Variants in PKD2L1 observed in about 807,000 individuals in gnomAD.
PKD2L1 encodes the protein polycystin 2 like 1, transient receptor potential cation channel.
In PKD2L1, 77 loss-of-function variants were observed where a neutral mutation model predicts 93.0. The ratio of observed to expected loss-of-function variants is 0.83; its 90% CI spans 0.69 to 1.00. The LOEUF (loss-of-function observed/expected upper bound fraction) is 1.00, where lower values mean the gene tolerates loss of function less well. PKD2L1 is among the 50% of genes least tolerant of loss of function. The pLI is 0.00. For synonymous variants in PKD2L1, 390 were observed against 388.0 expected (o/e 1.01, Z -0.06); for missense variants, 977 against 990.9 (o/e 0.99, Z 0.19).
At chr10:100,319,234 T>C (rs748773706) in intron 2 of PKD2L1, among the ~76,000 whole-genome samples, 2 of 152,264 alleles carry the variant, frequency 1.3e-5, no homozygotes, top group Non-Finnish European at 2.9e-5. Flanking sequence ...CCAAGCACTG[T>C]ACTACTAAAT....
At chr10:100,316,891 A>G (rs1849111421) in intron 2 of PKD2L1, among the ~76,000 whole-genome samples, 1 of 152,168 alleles carries the variant, frequency 6.6e-6, no homozygotes, top group Admixed American at 6.5e-5. Flanking sequence ...GTTCGAGTCC[A>G]GCCTGGGTAA....
At chr10:100,293,714 G>A (rs1304196727) in intron 9 of PKD2L1, among the ~76,000 whole-genome samples, 1 of 152,128 alleles carries the variant, frequency 6.6e-6, no homozygotes, top group Non-Finnish European at 1.5e-5. Context: ...TTTTCAGGGT[G>A]AGAGTACAAT....
At chr10:100,306,481 T>C (rs1848802285) in intron 2 of PKD2L1, among the ~76,000 whole-genome samples, 1 of 152,072 alleles carries the variant, frequency 6.6e-6, no homozygotes, top group Non-Finnish European at 1.5e-5. Context: ...CAGGGGAAAA[T>C]CACTGAGTTC....
At chr10:100,316,448 G>C (rs1275297047) in intron 2 of PKD2L1, among the ~76,000 whole-genome samples, 1 of 152,240 alleles carries the variant, frequency 6.6e-6, no homozygotes, top group Non-Finnish European at 1.5e-5. Flanking sequence ...CTGAGCCACA[G>C]GTGTGAGCCA....
intron 2 of PKD2L1, among the ~76,000 whole-genome samples, chr10:100,302,693 CAAA>C (rs35577057): frequency 3.5e-4 from 47 of 135,546 alleles, no homozygotes; most frequent in East Asian, 2.3e-3. Flanking sequence ...CTCTGTCCCC[CAAA>C]AAAAAAAAAA....
At position 100,297,479 on chromosome 10, in the gene PKD2L1, C is replaced by G; in HGVS notation, c.859G>C (p.Ala287Pro). ...SRQGSAEALR[A>P]LQEGLWLDRG... ...TCCAGCCACAGCCCCTCCTGAAGGG[C>G]CCGGAGAGCCTCTGCACTACCCTGT... Residue 287 changes from alanine (A) to proline (P), a missense_variant, in exon 5 of 16, where the codon GCC becomes CCC. Physicochemically the swap from Ala to Pro is conservative, Grantham distance 27. Coordinates refer to ENST00000318222, the MANE Select transcript of PKD2L1 (RefSeq NM_016112.3). The G allele has an allele frequency of 6.2e-7, 1 of 1,614,126 alleles. No individual in the cohort carries two copies. Among genetic ancestry groups the G allele is most frequent in the Non-Finnish European group, 8.5e-7 (1 of 1,180,022 alleles).
intron 2 of PKD2L1, among the ~76,000 whole-genome samples, chr10:100,305,904 C>T (rs534322136): frequency 1.4e-4 from 21 of 152,084 alleles, no homozygotes; most frequent in Non-Finnish European, 2.5e-4. Flanking sequence ...AAATTGCTGG[C>T]CAAGTACAGG....
intron 2 of PKD2L1, among the ~76,000 whole-genome samples, chr10:100,318,083 CAAA>C (rs139393300): frequency 7.3e-6 from 1 of 136,062 alleles, no homozygotes; most frequent in African/African-American, 2.7e-5. Context: ...CTGTCTCAAA[CAAA>C]AAAAAAAAAG....
intron 2 of PKD2L1, among the ~76,000 whole-genome samples, chr10:100,308,883 G>C (rs1458399900): frequency 6.6e-6 from 1 of 152,144 alleles, no homozygotes; most frequent in Non-Finnish European, 1.5e-5. Flanking sequence ...AGCAAACTCT[G>C]TTTTAAGAGT....
intron 2 of PKD2L1, among the ~76,000 whole-genome samples, chr10:100,310,246 G>A (rs1848903678): frequency 6.6e-6 from 1 of 152,030 alleles, no homozygotes; most frequent in Admixed American, 6.6e-5. Context: ...GAGGCAGGAG[G>A]GTGCTTGAGC....
Position 100,330,078 on chromosome 10 carries a change from C to G in PKD2L1, c.26G>C (p.Gly9Ala), listed in dbSNP as rs769116300. MNAVGSPE[G>A]QELQKLGSGA... ...ACTCCCCAGCTTTTGCAGCTCCTGC[C>G]CCTCAGGACTTCCCACAGCATTCAT... The change falls in exon 1 of 16, where the codon GGG (glycine) becomes GCG (alanine). Residue 9 changes from glycine to alanine, a missense_variant. Coordinates refer to ENST00000318222, the MANE Select transcript of PKD2L1 (RefSeq NM_016112.3). 4 of 1,594,298 alleles carry G rather than the reference C, an allele frequency of 2.5e-6. No individual in the cohort carries two copies. In the Admixed American group the frequency reaches 6.9e-5, roughly 27 times the overall value.
rs910752219 is a variant in PKD2L1 at position 100,289,050 on chromosome 10, G to A, written c.2257C>T (p.Gln753Ter). Residue 753 changes from glutamine to a stop codon, truncating the protein, a stop_gained, in exon 15 of 16, where the codon CAA becomes TAA. Transcript: ENST00000318222. LOFTEE classifies it high-confidence loss of function. ...GGCTGCGGGTGCTTCCAAATAGCTT[G>A]TTCCTTCTGTTGGAAGAAGAAAGGG... The part of the protein sequence containing the change: ...WLAPSPGVKE[Q>*]AIWKHPQPAP... 3.7e-6 allele frequency: 6 copies of A among 1,610,298 alleles called. No individual in the cohort carries two copies. Among genetic ancestry groups the A allele is most frequent in the Non-Finnish European group, 5.1e-6 (6 of 1,177,342 alleles).
At chr10:100,321,101 C>T (rs1849216494) in intron 2 of PKD2L1, among the ~76,000 whole-genome samples, 1 of 152,144 alleles carries the variant, frequency 6.6e-6, no homozygotes, top group Non-Finnish European at 1.5e-5. Flanking sequence ...GTAATTCCAG[C>T]ACTTTGGGAA....
rs1283283845 is a variant in PKD2L1, at chr10:100,329,917, T to C, written c.187A>G (p.Arg63Gly). 2 of 1,613,872 alleles carry C rather than the reference T, an allele frequency of 1.2e-6. No homozygotes were observed. The highest frequency in any genetic ancestry group is 1.3e-5 in the African/African-American group (1 of 75,038). ...AGGCAGCAGCTGGACACCTGGGTCCTGTATGCCGTCTCCTGGGGTTCATCT... is the reference window on the plus strand; with the variant it reads ...AGGCAGCAGCTGGACACCTGGGTCCCGTATGCCGTCTCCTGGGGTTCATCT... ...PEDEPQETAYRTQVSSCCLHI... is the reference protein window; with the variant it reads ...PEDEPQETAYGTQVSSCCLHI... The change falls in exon 1 of 16, where the codon AGG becomes GGG. Residue 63 changes from arginine to glycine, a missense_variant. Physicochemically the swap from Arg to Gly is moderately radical, Grantham distance 125. Transcript: ENST00000318222.
intron 8 of PKD2L1, 42 bp from the exon 9 acceptor site, chr10:100,294,697 AC>A (rs1472047199): frequency 3.7e-6 from 6 of 1,608,790 alleles, no homozygotes; most frequent in Non-Finnish European, 4.2e-6. Context: ...CCTAACAAAC[AC>A]CCCCCATCCC....
At chr10:100,299,277 T>C (rs1848624028) in intron 3 of PKD2L1, among the ~76,000 whole-genome samples, 1 of 152,150 alleles carries the variant, frequency 6.6e-6, no homozygotes, top group African/African-American at 2.4e-5. Context: ...AACTCCTCCA[T>C]TGACCAATGA....
At chr10:100,327,760 T>C (rs1849409802) in intron 2 of PKD2L1, among the ~76,000 whole-genome samples, 1 of 152,096 alleles carries the variant, frequency 6.6e-6, no homozygotes, top group African/African-American at 2.4e-5. Flanking sequence ...AATATGTACA[T>C]TGGGCCGGCC....
intron 5 of PKD2L1, 28 bp downstream of exon 5, chr10:100,297,354 G>A (rs1455099526): frequency 1.3e-6 from 2 of 1,580,290 alleles, no homozygotes; most frequent in East Asian, 4.5e-5. Flanking sequence ...CCATGGACAG[G>A]GTGATAAAGT....
chr10:100,325,660 A>G (rs188908065), intron 2 of PKD2L1, among the ~76,000 whole-genome samples: 1 of 152,298 alleles, frequency 6.6e-6, no homozygotes, highest in African/African-American at 2.4e-5. Flanking sequence ...GTGCAATTCC[A>G]CAGGACTTGG....
Sources: allele counts gnomAD v4.1 joint callset (sites outside exome capture counted in the v4.1 genomes callset), GRCh38; gene constraint gnomAD v4.1.1; transcripts MANE v1.5; gene names NCBI Gene and HGNC (gene_info 2026-07-23, HGNC 2026-07-21).